The following CARF variants were observed in gnomAD, a reference collection of about 807,000 sequenced individuals.
CARF encodes calcium-responsive transcription factor.
A neutral mutation model predicts 82.0 loss-of-function variants in CARF; 57 were observed. That is an observed-to-expected ratio of 0.70 (90% CI 0.56 to 0.87). The LOEUF is 0.87. CARF is among the 40% of genes least tolerant of loss of function. The pLI is 0.00. For synonymous variants in CARF, 268 were observed against 290.1 expected (o/e 0.92, Z 0.77); for missense variants, 771 against 855.8 (o/e 0.90, Z 1.24).
At chr2:202,945,307 A>T (rs528849585) in intron 5 of CARF, among the ~76,000 whole-genome samples, 1 of 151,774 alleles carries the variant, frequency 6.6e-6, no homozygotes, top group East Asian at 1.9e-4. Flanking sequence ...TTTTTGTTTT[A>T]TTGTTTTTGT....
intron 1 of CARF, among the ~76,000 whole-genome samples, chr2:202,915,990 AC>A (rs1689564251): frequency 6.6e-6 from 1 of 152,120 alleles, no homozygotes; most frequent in African/African-American, 2.4e-5. Flanking sequence ...AACTTTAAAA[AC>A]TGATTCTTAA....
chr2:202,941,438 T>C (rs1376922970), intron 3 of CARF, among the ~76,000 whole-genome samples: 1 of 152,018 alleles, frequency 6.6e-6, no homozygotes, highest in East Asian at 1.9e-4. Context: ...ATATATAATC[T>C]CTGTCTACAC....
At position 202,961,508 on chromosome 2, in the gene CARF, C is replaced by G. The variant is rs202242604; in HGVS notation, c.832+82C>G. On this transcript the variant is annotated intron_variant, in intron 9 of 16. Transcript: ENST00000438828. ...AAATGTGATTTTCCTAAGGTGATAA[C>G]ATTTTTATTTTGGTAGCTGACAATT... 4.8e-6 allele frequency: 6 copies of G among 1,255,314 alleles called. No individual in the cohort carries two copies. The East Asian group carries it at 1.5e-4, about 31-fold the overall frequency. 77.8% of individuals were successfully genotyped at this position (1,255,314 alleles called of 1,614,324 possible). A position where few individuals can be genotyped will look rare whatever the true frequency, so the allele number is the denominator to read the frequency against.
Position 202,986,868 on chromosome 2 carries a change from G to GTATATATATATA in CARF, c.*3273_*3284dup, listed in dbSNP as rs67693134. The GTATATATATATA allele has an allele frequency of 5.1e-4, 15 of 29,642 alleles. No individual in the cohort carries two copies. Among genetic ancestry groups the GTATATATATATA allele is most frequent in the South Asian group, 4.2e-3 (2 of 476 alleles). 1.8% of individuals were successfully genotyped at this position (29,642 alleles called of 1,614,324 possible). On this transcript the variant is annotated 3_prime_UTR_variant, in exon 17 of 17. Transcript: ENST00000438828. ...AAAGAGGTTTAAAAAATGTCTGTGC[G>GTATATATATATA]TATATATATATATATATATATATAT...
At position 202,983,941 on chromosome 2, in the gene CARF, A is replaced by G. The variant is rs1043361491; in HGVS notation, c.*317A>G. On this transcript the variant is annotated 3_prime_UTR_variant, in exon 17 of 17. Transcript: ENST00000438828. The stretch of plus-strand genomic sequence containing the variant: ...GTTTACTTAACTTATCCTTGGAAAT[A>G]TTCAATTTTGGTTATTACAAAACAG... 2 of 201,460 alleles carry G rather than the reference A, an allele frequency of 9.9e-6. No homozygotes were observed. Among genetic ancestry groups the G allele is most frequent in the Admixed American group, 6.1e-5 (1 of 16,510 alleles). 12.5% of individuals were successfully genotyped at this position (201,460 alleles called of 1,614,324 possible).
At chr2:202,936,072 C>T (rs529359736) in intron 3 of CARF, among the ~76,000 whole-genome samples, 9 of 152,244 alleles carry the variant, frequency 5.9e-5, no homozygotes, top group African/African-American at 2.2e-4. Flanking sequence ...CTCAAGTAAT[C>T]CTCCCACCTC....
intron 3 of CARF, among the ~76,000 whole-genome samples, chr2:202,930,729 C>T (rs1474763103): frequency 6.6e-6 from 1 of 152,074 alleles, no homozygotes; most frequent in African/African-American, 2.4e-5. Context: ...TCATTAGAAT[C>T]TGTTACTAGA....
At chr2:202,961,566 G>GA (rs1377728901) in intron 9 of CARF, 140 bp downstream of exon 9, 1 of 672,080 alleles carries the variant, frequency 1.5e-6, no homozygotes, top group Non-Finnish European at 2.5e-6. Context: ...ATATTAAATT[G>GA]AAAAAACTTA....
In CARF at chr2:202,983,810, CTCT is replaced by C. The variant is rs1274393312; in HGVS notation, c.*191_*193del. 4 of 524,356 alleles carry C rather than the reference CTCT, an allele frequency of 7.6e-6. No individual in the cohort carries two copies. The highest frequency in any genetic ancestry group is 6.0e-5 in the African/African-American group (3 of 49,962). 32.5% of individuals were successfully genotyped at this position (524,356 alleles called of 1,614,324 possible). On this transcript the variant is annotated 3_prime_UTR_variant, in exon 17 of 17. Transcript: ENST00000438828. Reference sequence around the variant, plus strand: ...TTTACCTTCCTTAAGAGATGTTTTACTCTTCTTATTTTGTATAATTTTTATGCT... The same window carrying C: ...TTTACCTTCCTTAAGAGATGTTTTACTCTTATTTTGTATAATTTTTATGCT...
intron 5 of CARF, among the ~76,000 whole-genome samples, chr2:202,947,840 A>G (rs116055061): frequency 4.0e-4 from 61 of 152,312 alleles, no homozygotes; most frequent in Middle Eastern, 3.4e-3. Flanking sequence ...TTTGCTGTAT[A>G]GAAGCTCTTA....
At chr2:202,949,608 T>C (rs566551878) in intron 5 of CARF, among the ~76,000 whole-genome samples, 3 of 150,648 alleles carry the variant, frequency 2.0e-5, no homozygotes, top group Admixed American at 1.3e-4. Context: ...TGGAGTGCAG[T>C]TGCGTGATCT....
intron 6 of CARF, among the ~76,000 whole-genome samples, chr2:202,953,498 G>GTTTTTTGTTTT (rs2058859572): frequency 1.4e-5 from 1 of 70,294 alleles, no homozygotes; most frequent in African/African-American, 5.6e-5. Context: ...TTTTTTTGTT[G>GTTTTTTGTTTT]TTTTTTTTTT....
intron 11 of CARF, among the ~76,000 whole-genome samples, chr2:202,971,246 A>G (rs1257134018): frequency 6.6e-6 from 1 of 152,048 alleles, no homozygotes; most frequent in Admixed American, 6.6e-5. Context: ...ATCTCCCTCA[A>G]CTGTAGGACC....
chr2:202,954,710 TAAAAAA>T (rs35250610), intron 7 of CARF, among the ~76,000 whole-genome samples: 1 of 120,884 alleles, frequency 8.3e-6, no homozygotes, highest in Non-Finnish European at 1.7e-5. Flanking sequence ...AGACATCATT[TAAAAAA>T]AAAAAAAAAA....
chr2:202,969,103 A>G (rs892437464), intron 10 of CARF, among the ~76,000 whole-genome samples: 12 of 152,210 alleles, frequency 7.9e-5, no homozygotes, highest in African/African-American at 2.9e-4. Context: ...CAGCCTGACC[A>G]ACATGGTGAA....
At position 202,955,672 on chromosome 2, in the gene CARF, A is replaced by G. The variant is rs1559238831; in HGVS notation, c.558-2A>G. 6.2e-7 allele frequency: 1 copy of G among 1,603,160 alleles called. No individual in the cohort carries two copies. The highest frequency in any genetic ancestry group is 1.1e-5 in the South Asian group (1 of 89,418). On this transcript the variant is annotated splice_acceptor_variant, in intron 7 of 16. Transcript: ENST00000438828. LOFTEE classifies it high-confidence loss of function. ...TTTATATATATTCCTCTCCTATCCC[A>G]GAATGCTGGAAGAACCCCTTCTGGG...
chr2:202,931,036 G>A (rs1370624026), intron 3 of CARF, among the ~76,000 whole-genome samples: 1 of 137,932 alleles, frequency 7.2e-6, no homozygotes, highest in Non-Finnish European at 1.5e-5. Flanking sequence ...GTGCAATGGT[G>A]CAGTCTCGGC....
intron 5 of CARF, among the ~76,000 whole-genome samples, chr2:202,952,303 T>C (rs574650213): frequency 6.6e-5 from 10 of 152,228 alleles, no homozygotes; most frequent in Non-Finnish European, 1.3e-4. Context: ...CCATGTGTAA[T>C]GATTAAGACC....
Position 202,987,024 on chromosome 2 carries a change from G to A in CARF, c.*3400G>A, listed in dbSNP as rs1359301376. The A allele has an allele frequency of 1.4e-5, 2 of 147,984 alleles. No homozygotes were observed. The highest frequency in any genetic ancestry group is 3.9e-4 in the East Asian group (2 of 5,084). 9.2% of individuals were successfully genotyped at this position (147,984 alleles called of 1,614,324 possible). A position where few individuals can be genotyped will look rare whatever the true frequency, so the allele number is the denominator to read the frequency against. On this transcript the variant is annotated 3_prime_UTR_variant, in exon 17 of 17. Transcript: ENST00000438828. ...TTTTCTTAGAGATAGTGGCAATTTT[G>A]TTCATCTTGAAGATGCTGAATAAAC...
Sources: gnomAD v4.1 joint callset for allele counts (sites outside exome capture counted in the v4.1 genomes callset) on GRCh38, gnomAD v4.1.1 for gene constraint, MANE v1.5 for transcripts, NCBI Gene and HGNC (gene_info 2026-07-23, HGNC 2026-07-21) for gene names.